The following CCDC141 variants were observed in gnomAD, a reference collection of about 807,000 sequenced individuals.
The protein encoded by CCDC141 is coiled-coil domain containing 141.
A neutral mutation model predicts 181.0 loss-of-function variants in CCDC141; 168 were observed. The ratio of observed to expected loss-of-function variants is 0.93; its 90% CI spans 0.82 to 1.05. The LOEUF (loss-of-function observed/expected upper bound fraction) is 1.05. Ranked by LOEUF, CCDC141 falls within the 50% of genes least tolerant of loss-of-function variation. CCDC141 has a pLI of 0.00. For synonymous variants in CCDC141, 666 were observed against 642.3 expected (o/e 1.04, Z -0.56); for missense variants, 1,902 against 1,788.5 (o/e 1.06, Z -1.14).
intron 6 of CCDC141, among the ~76,000 whole-genome samples, chr2:178,930,903 G>T (rs1474303643): frequency 6.6e-6 from 1 of 152,062 alleles, no homozygotes; most frequent in African/African-American, 2.4e-5. Context: ...TTTGATGATG[G>T]TTTCTTAGAT....
chr2:178,838,476 T>C (rs1241782731), intron 22 of CCDC141, among the ~76,000 whole-genome samples: 1 of 152,236 alleles, frequency 6.6e-6, no homozygotes, highest in East Asian at 1.9e-4. Context: ...GACCCCTCTA[T>C]GTACCTCATA....
chr2:178,906,348 C>T (rs1487374011), intron 7 of CCDC141, among the ~76,000 whole-genome samples: 2 of 152,092 alleles, frequency 1.3e-5, no homozygotes, highest in Admixed American at 6.6e-5. Context: ...GATACAAAGG[C>T]AATGAAAGAA....
chr2:178,943,152 T>C (rs188036430), intron 6 of CCDC141, among the ~76,000 whole-genome samples: 3 of 152,314 alleles, frequency 2.0e-5, no homozygotes, highest in African/African-American at 7.2e-5. Flanking sequence ...TCTCTTGTGC[T>C]TGGCATTTGG....
intron 18 of CCDC141, 43 bp downstream of exon 18, chr2:178,856,214 T>C: frequency 2.0e-6 from 3 of 1,514,002 alleles, no homozygotes; most frequent in South Asian, 1.4e-5. Flanking sequence ...GTGTAGTACA[T>C]GCATACACAT....
chr2:178,958,981 T>C (rs1575268165), intron 5 of CCDC141, among the ~76,000 whole-genome samples: 1 of 146,266 alleles, frequency 6.8e-6, no homozygotes, highest in Non-Finnish European at 1.5e-5. Context: ...GCAAGAGGAG[T>C]TTTTAATGTA....
chr2:178,901,558 C>T (rs36153168), intron 8 of CCDC141, among the ~76,000 whole-genome samples: 15 of 152,100 alleles, frequency 9.9e-5, no homozygotes, highest in Non-Finnish European at 2.1e-4. Context: ...ATTCAACAAA[C>T]CTTCATGCTA....
chr2:178,906,376 G>A (rs144726954), intron 7 of CCDC141, among the ~76,000 whole-genome samples: 2 of 152,168 alleles, frequency 1.3e-5, no homozygotes, highest in Non-Finnish European at 2.9e-5. Context: ...GGTATATGAG[G>A]AGAAAGGGAG....
At chr2:178,893,351 A>G (rs751449518) in intron 8 of CCDC141, among the ~76,000 whole-genome samples, 14 of 152,092 alleles carry the variant, frequency 9.2e-5, no homozygotes, top group African/African-American at 3.4e-4. Flanking sequence ...GGAGGGAAGC[A>G]AATTCCAATG....
intron 15 of CCDC141, among the ~76,000 whole-genome samples, chr2:178,868,608 C>CAA (rs71393439): frequency 0.018 from 1,551 of 85,372 alleles, 27 homozygotes; most frequent in African/African-American, 0.04. Flanking sequence ...ACTTGAAGTG[C>CAA]AAAAAAAAAA....
At chr2:178,908,656 G>T (rs1314757952) in intron 7 of CCDC141, among the ~76,000 whole-genome samples, 1 of 152,286 alleles carries the variant, frequency 6.6e-6, no homozygotes, top group African/African-American at 2.4e-5. Context: ...ACTAAAGGAA[G>T]AAATAAAATG....
chr2:178,920,911 A>G (rs577054446), intron 6 of CCDC141, among the ~76,000 whole-genome samples: 116 of 152,362 alleles, frequency 7.6e-4, no homozygotes, highest in African/African-American at 2.5e-3. Context: ...TATCAGTTAT[A>G]TAAAATTGTG....
chr2:178,829,285 A>G (rs536907438), downstream of CCDC141, among the ~76,000 whole-genome samples: 1 of 152,346 alleles, frequency 6.6e-6, no homozygotes, highest in South Asian at 2.1e-4. Context: ...TTGTGGTACA[A>G]AAAGGAGGAT....
chr2:178,860,928 T>G (rs1685586871), intron 17 of CCDC141, among the ~76,000 whole-genome samples: 2 of 152,228 alleles, frequency 1.3e-5, no homozygotes, highest in Admixed American at 1.3e-4. Flanking sequence ...ATTTTAAACT[T>G]CAGCTCTGTT....
chr2:178,952,052 C>T (rs549686427), intron 5 of CCDC141, among the ~76,000 whole-genome samples: 4 of 152,200 alleles, frequency 2.6e-5, no homozygotes, highest in Non-Finnish European at 4.4e-5. Context: ...AGCTAAAGGG[C>T]GGAGAAAGTT....
intron 1 of CCDC141, among the ~76,000 whole-genome samples, chr2:179,047,689 A>G (rs1443130645): frequency 6.6e-6 from 1 of 152,244 alleles, no homozygotes. Context: ...TGAGGAAAAC[A>G]TACAATGGAT....
At chr2:178,964,015 C>T (rs1212851275) in intron 4 of CCDC141, among the ~76,000 whole-genome samples, 3 of 152,062 alleles carry the variant, frequency 2.0e-5, no homozygotes, top group Non-Finnish European at 4.4e-5. Flanking sequence ...CAAGATGGGG[C>T]TGGGGGTAGG....
intron 2 of CCDC141, among the ~76,000 whole-genome samples, chr2:179,012,456 A>T (rs531820559): frequency 2.0e-5 from 3 of 152,158 alleles, no homozygotes; most frequent in Non-Finnish European, 4.4e-5. Flanking sequence ...AACAACAAGC[A>T]GTGAGATTGA....
At chr2:178,947,679 T>A (rs1230023096) in intron 5 of CCDC141, among the ~76,000 whole-genome samples, 1 of 152,104 alleles carries the variant, frequency 6.6e-6, no homozygotes, top group Non-Finnish European at 1.5e-5. Context: ...TCAGCAAAGA[T>A]GCAGAGAGGA....
At chr2:178,819,852 C>T in the CCDC141 span, among the ~76,000 whole-genome samples, 1 of 152,132 alleles carries the variant, frequency 6.6e-6, no homozygotes, top group African/African-American at 2.4e-5. Context: ...AATTTTAATA[C>T]ATATACAGAT....
Sources: allele counts gnomAD v4.1 joint callset (sites outside exome capture counted in the v4.1 genomes callset), GRCh38; gene constraint gnomAD v4.1.1; transcripts MANE v1.5; gene names NCBI Gene and HGNC (gene_info 2026-07-23, HGNC 2026-07-21).